Variants in SPIRE1 observed in about 807,000 individuals in gnomAD.
The protein encoded by SPIRE1 is protein spire homolog 1.
Under a neutral mutation model 94.1 loss-of-function variants are expected in SPIRE1, and 40 were observed. That is an observed-to-expected ratio of 0.43 (90% CI 0.33 to 0.55). The LOEUF is 0.55. Ranked by LOEUF, SPIRE1 falls within the 20% of genes least tolerant of loss-of-function variation. SPIRE1 has a pLI of 0.06. For synonymous variants in SPIRE1, 376 were observed against 371.7 expected (o/e 1.01, Z -0.13); for missense variants, 838 against 975.2 (o/e 0.86, Z 1.87).
At chr18:12,489,385 T>C (rs1257011096) in intron 8 of SPIRE1, among the ~76,000 whole-genome samples, 1 of 152,234 alleles carries the variant, frequency 6.6e-6, no homozygotes, top group Non-Finnish European at 1.5e-5. Context: ...CTCTAATATC[T>C]TTTTATTCTG....
intron 16 of SPIRE1, chr18:12,450,842 T>A: frequency 1.4e-6 from 1 of 736,436 alleles, no homozygotes; most frequent in Admixed American, 1.8e-5. Flanking sequence ...GCGGAATAAC[T>A]TAAATGACAG....
Position 12,459,232 on chromosome 18 carries a change from G to A in SPIRE1, c.1638+4119C>T, listed in dbSNP as rs759116768. On this transcript the variant is annotated intron_variant, in intron 12 of 16. Transcript: ENST00000409402. The stretch of plus-strand genomic sequence containing the variant: ...AAATTTCTCTTTGCAGAGAAGTGAC[G>A]TACACACCCTGGTTGTCATAACACA... Among the ~76,000 whole-genome samples the A allele has an allele frequency of 2.6e-5, 4 of 152,338 alleles. No homozygotes were observed. In the East Asian group the frequency reaches 5.8e-4, roughly 22 times the overall value.
intron 12 of SPIRE1, among the ~76,000 whole-genome samples, chr18:12,456,614 G>C (rs997151116): frequency 5.9e-5 from 9 of 152,206 alleles, no homozygotes; most frequent in African/African-American, 2.2e-4. Flanking sequence ...CAAGACAGCA[G>C]ATGGTACCAA....
intron 2 of SPIRE1, among the ~76,000 whole-genome samples, chr18:12,551,189 A>C (rs2035337229): frequency 6.6e-6 from 1 of 152,124 alleles, no homozygotes; most frequent in Non-Finnish European, 1.5e-5. Flanking sequence ...TAAGGCCCAT[A>C]ATGCTTTGGA....
chr18:12,479,972 C>A, intron 9 of SPIRE1, 101 bp from the exon 10 acceptor site: 1 of 1,137,138 alleles, frequency 8.8e-7, no homozygotes, highest in Non-Finnish European at 1.2e-6. Flanking sequence ...AACACAGAGG[C>A]TTGATTCAGT....
chr18:12,482,076 G>C (rs2143780206), intron 9 of SPIRE1, among the ~76,000 whole-genome samples: 1 of 152,224 alleles, frequency 6.6e-6, no homozygotes, highest in East Asian at 1.9e-4. Context: ...AATCGACAAA[G>C]CCAGAGTTTC....
At chr18:12,648,981 T>G (rs1285319355) in intron 1 of SPIRE1, among the ~76,000 whole-genome samples, 1 of 151,072 alleles carries the variant, frequency 6.6e-6, no homozygotes, top group Non-Finnish European at 1.5e-5. Flanking sequence ...TAGCAATGCA[T>G]CAATGTTGTT....
chr18:12,532,117 CTT>C (rs1172476759), intron 4 of SPIRE1, among the ~76,000 whole-genome samples: 2 of 152,202 alleles, frequency 1.3e-5, no homozygotes, highest in Admixed American at 6.5e-5. Context: ...CTACCCAAAT[CTT>C]TATCATTAAA....
intron 2 of SPIRE1, among the ~76,000 whole-genome samples, chr18:12,601,507 A>T (rs916028758): frequency 6.6e-6 from 1 of 152,202 alleles, no homozygotes; most frequent in East Asian, 1.9e-4. Flanking sequence ...TTCAAAATGT[A>T]CAATTATTTA....
At chr18:12,460,727 T>A (rs1436004381) in intron 12 of SPIRE1, among the ~76,000 whole-genome samples, 4 of 147,218 alleles carry the variant, frequency 2.7e-5, no homozygotes, top group Admixed American at 6.8e-5. Context: ...AAAAAAAAAA[T>A]TATCAACAAT....
intron 2 of SPIRE1, among the ~76,000 whole-genome samples, chr18:12,548,392 A>G (rs559582461): frequency 1.3e-5 from 2 of 152,342 alleles, no homozygotes; most frequent in African/African-American, 4.8e-5. Flanking sequence ...AATTCTCTAC[A>G]AAAATTCAAA....
At chr18:12,651,388 A>AT (rs1441355385) in intron 1 of SPIRE1, among the ~76,000 whole-genome samples, 1 of 152,080 alleles carries the variant, frequency 6.6e-6, no homozygotes, top group African/African-American at 2.4e-5. Flanking sequence ...GTTTTTAAAC[A>AT]TTTTTTTGCT....
chr18:12,476,814 C>T (rs1003294052), intron 10 of SPIRE1, among the ~76,000 whole-genome samples: 12 of 151,930 alleles, frequency 7.9e-5, no homozygotes, highest in African/African-American at 1.2e-4. Context: ...GAGAGGAATA[C>T]GCTTATTTCC....
chr18:12,525,276 CAAAA>C (rs1170791088), intron 4 of SPIRE1, among the ~76,000 whole-genome samples: 2 of 71,500 alleles, frequency 2.8e-5, no homozygotes, highest in African/African-American at 5.5e-5. Flanking sequence ...GACTCCGTCT[CAAAA>C]AAAAAAAAAA....
intron 10 of SPIRE1, among the ~76,000 whole-genome samples, chr18:12,472,514 T>C (rs2032401772): frequency 6.6e-6 from 1 of 151,674 alleles, no homozygotes. Context: ...ATTACAGGGA[T>C]ATGCCACCAT....
At chr18:12,601,161 C>G (rs369117280) in intron 2 of SPIRE1, among the ~76,000 whole-genome samples, 2 of 151,938 alleles carry the variant, frequency 1.3e-5, no homozygotes, top group South Asian at 4.2e-4. Context: ...TGGCTCACGC[C>G]TGTAATCCCA....
intron 2 of SPIRE1, among the ~76,000 whole-genome samples, chr18:12,574,686 G>A (rs1333980542): frequency 1.3e-5 from 2 of 152,218 alleles, no homozygotes; most frequent in Non-Finnish European, 2.9e-5. Flanking sequence ...GGTTACTGAA[G>A]TCAGAGTGTA....
At chr18:12,526,833 T>C (rs58530670) in intron 4 of SPIRE1, among the ~76,000 whole-genome samples, 37,755 of 151,772 alleles carry the variant, frequency 0.25, 5,027 homozygotes, top group South Asian at 0.49. Flanking sequence ...CCTCAGCTTC[T>C]CGAGTAGCTG....
chr18:12,660,039 A>G (rs1170957753), upstream of SPIRE1, among the ~76,000 whole-genome samples: 2 of 152,010 alleles, frequency 1.3e-5, no homozygotes. Flanking sequence ...CAACACTACC[A>G]CCTCCTGGCC....
Sources: gnomAD v4.1 joint callset for allele counts (sites outside exome capture counted in the v4.1 genomes callset) on GRCh38, gnomAD v4.1.1 for gene constraint, MANE v1.5 for transcripts, NCBI Gene and HGNC (gene_info 2026-07-23, HGNC 2026-07-21) for gene names.